Variants in PIP4K2A observed in about 807,000 individuals in gnomAD.
PIP4K2A encodes the protein phosphatidylinositol 5-phosphate 4-kinase type-2 alpha.
A neutral mutation model predicts 42.9 loss-of-function variants in PIP4K2A; 14 were observed. The observed-to-expected ratio is 0.33, with a 90% CI of 0.22 to 0.51. The LOEUF is 0.51. Ranked by LOEUF, PIP4K2A falls within the 20% of genes least tolerant of loss-of-function variation. PIP4K2A has a pLI of 0.97. For missense variants in PIP4K2A, 434 were observed against 519.8 expected (o/e 0.83, Z 1.61); for synonymous variants, 192 against 192.2 (o/e 1.00, Z 0.01).
At chr10:22,567,629 T>G (rs764221512) in intron 6 of PIP4K2A, 2 of 717,040 alleles carry the variant, frequency 2.8e-6, no homozygotes, top group African/African-American at 1.7e-5. Context: ...CTTCCAACCA[T>G]GCTTGCAACA....
chr10:22,650,821 T>C (rs1189850739), intron 1 of PIP4K2A, among the ~76,000 whole-genome samples: 2 of 143,406 alleles, frequency 1.4e-5, no homozygotes, highest in Non-Finnish European at 3.0e-5. Flanking sequence ...TTTCTTCTTT[T>C]TGGAAATCTA....
At chr10:22,576,732 C>A (rs1837133264) in intron 4 of PIP4K2A, among the ~76,000 whole-genome samples, 1 of 152,102 alleles carries the variant, frequency 6.6e-6, no homozygotes, top group Non-Finnish European at 1.5e-5. Flanking sequence ...ATCTTTTGAA[C>A]CTTTTCCATT....
chr10:22,547,024 T>C (rs1201979496), intron 7 of PIP4K2A, among the ~76,000 whole-genome samples: 1 of 152,206 alleles, frequency 6.6e-6, no homozygotes, highest in Non-Finnish European at 1.5e-5. Flanking sequence ...AGAATATCCC[T>C]TCTCATCTAA....
At chr10:22,709,120 T>A (rs1358734049) in intron 1 of PIP4K2A, among the ~76,000 whole-genome samples, 317 of 151,492 alleles carry the variant, frequency 2.1e-3, no homozygotes, top group African/African-American at 6.2e-3. Context: ...TTTTTTTTTT[T>A]TAAAAGTCCC....
intron 1 of PIP4K2A, among the ~76,000 whole-genome samples, chr10:22,705,425 TTAAAAAAAAAAA>T (rs1833801349): frequency 1.8e-5 from 1 of 56,904 alleles, no homozygotes; most frequent in Non-Finnish European, 3.2e-5. Flanking sequence ...AGTACCCCAG[TTAAAAAAAAAAA>T]AAAAAAAAAA....
intron 6 of PIP4K2A, among the ~76,000 whole-genome samples, chr10:22,557,763 C>T (rs1200377550): frequency 6.6e-6 from 1 of 152,110 alleles, no homozygotes; most frequent in Non-Finnish European, 1.5e-5. Context: ...AATTATACAA[C>T]AAGAGCCAAC....
chr10:22,707,632 G>A (rs145294299), intron 1 of PIP4K2A, among the ~76,000 whole-genome samples: 1 of 152,302 alleles, frequency 6.6e-6, no homozygotes, highest in East Asian at 1.9e-4. Flanking sequence ...GCTTGGCCCA[G>A]GCAGCACAGC....
chr10:22,617,957 A>G (rs1838215118), intron 1 of PIP4K2A, among the ~76,000 whole-genome samples: 1 of 152,240 alleles, frequency 6.6e-6, no homozygotes, highest in African/African-American at 2.4e-5. Context: ...CTAAGCACAA[A>G]GGGTTCAAGA....
intron 3 of PIP4K2A, 84 bp from the exon 4 acceptor site, chr10:22,591,865 T>C: frequency 8.2e-7 from 1 of 1,216,756 alleles, no homozygotes; most frequent in Non-Finnish European, 1.1e-6. Context: ...AGATAATTTG[T>C]CATCATTGCA....
At chr10:22,641,718 T>A (rs1838786892) in intron 1 of PIP4K2A, among the ~76,000 whole-genome samples, 1 of 152,058 alleles carries the variant, frequency 6.6e-6, no homozygotes, top group African/African-American at 2.4e-5. Flanking sequence ...CAAAGCACTA[T>A]GACTATAGGC....
intron 3 of PIP4K2A, among the ~76,000 whole-genome samples, chr10:22,605,978 G>A (rs1564439846): frequency 6.6e-6 from 1 of 151,956 alleles, no homozygotes; most frequent in Non-Finnish European, 1.5e-5. Flanking sequence ...TTCTGTTAAA[G>A]TTAATTATTT....
At position 22,680,387 on chromosome 10, in the gene PIP4K2A, T is replaced by A. The variant is rs111570974; in HGVS notation, c.144+33796A>T. 4.8e-3 allele frequency among the ~76,000 whole-genome samples: 734 copies of A among 152,350 alleles called. 6 individuals carry two copies. The highest frequency in any genetic ancestry group is 8.0e-3 in the Non-Finnish European group (545 of 68,030). ...AAATATTGTGCTTTAGAATTTTCTA[T>A]CCTTTTCTAAATCTTCTCCAATAAG... On this transcript the variant is annotated intron_variant, in intron 1 of 9. Coordinates refer to ENST00000376573, the MANE Select transcript of PIP4K2A (RefSeq NM_005028.5).
intron 1 of PIP4K2A, among the ~76,000 whole-genome samples, chr10:22,626,788 G>A (rs1838449752): frequency 6.6e-6 from 1 of 152,114 alleles, no homozygotes; most frequent in Admixed American, 6.5e-5. Context: ...TTAGACGCAT[G>A]TATACTCACA....
chr10:22,635,970 A>G (rs1232381120), intron 1 of PIP4K2A, among the ~76,000 whole-genome samples: 3 of 152,248 alleles, frequency 2.0e-5, no homozygotes, highest in East Asian at 1.9e-4. Context: ...TTTAACATGC[A>G]GCCACAAATG....
intron 1 of PIP4K2A, among the ~76,000 whole-genome samples, chr10:22,637,421 T>A (rs1270445167): frequency 6.6e-6 from 1 of 152,204 alleles, no homozygotes; most frequent in African/African-American, 2.4e-5. Context: ...ACTTTTAGCA[T>A]CAAGACCAGA....
chr10:22,671,453 C>A (rs1207848635), intron 1 of PIP4K2A, among the ~76,000 whole-genome samples: 3 of 152,136 alleles, frequency 2.0e-5, no homozygotes, highest in African/African-American at 7.2e-5. Context: ...ACTGAATCCT[C>A]AGAATCACAC....
intron 1 of PIP4K2A, among the ~76,000 whole-genome samples, chr10:22,674,194 C>G (rs1331146116): frequency 1.3e-5 from 2 of 152,136 alleles, no homozygotes; most frequent in Non-Finnish European, 2.9e-5. Context: ...CTTCCAGCAA[C>G]CAGCAGACAC....
intron 1 of PIP4K2A, among the ~76,000 whole-genome samples, chr10:22,683,062 AAACAAC>A (rs59679229): frequency 2.9e-4 from 36 of 123,520 alleles, no homozygotes; most frequent in East Asian, 2.5e-3. Flanking sequence ...AGAAAAAGAA[AAACAAC>A]AACAACAACA....
chr10:22,552,131 G>C (rs1836425318), intron 6 of PIP4K2A, among the ~76,000 whole-genome samples: 1 of 152,170 alleles, frequency 6.6e-6, no homozygotes, highest in Non-Finnish European at 1.5e-5. Context: ...GAAATGTCAA[G>C]ATTCAATTCA....
Sources: allele counts gnomAD v4.1 joint callset (sites outside exome capture counted in the v4.1 genomes callset), GRCh38; gene constraint gnomAD v4.1.1; transcripts MANE v1.5; gene names NCBI Gene and HGNC (gene_info 2026-07-23, HGNC 2026-07-21).